Variants in PARP4 observed in about 807,000 individuals in gnomAD.
PARP4 encodes the protein poly(ADP-ribose) polymerase family member 4.
In PARP4, 120 loss-of-function variants were observed where a neutral mutation model predicts 187.7. That is an observed-to-expected ratio of 0.64 (90% CI 0.55 to 0.74). PARP4 has a LOEUF of 0.74. PARP4 is among the 30% of genes least tolerant of loss of function. The probability of loss-of-function intolerance (pLI) is 0.00; values close to 1 mark genes in which losing one functional copy is unlikely to be tolerated. For synonymous variants in PARP4, 654 were observed against 740.9 expected, an observed-to-expected ratio of 0.88 and a Z score of 1.90; for missense variants, 1,836 against 2,070.5, an observed-to-expected ratio of 0.89 and a Z score of 2.20.
intron 27 of PARP4, among the ~76,000 whole-genome samples, chr13:24,445,025 C>A (rs1871139307): frequency 6.6e-6 from 1 of 152,122 alleles, no homozygotes; most frequent in Non-Finnish European, 1.5e-5. Context: ...CTTTGCTCAC[C>A]ACGTGTTTCT....
rs887174824 is a variant in PARP4, at chr13:24,469,197, C to T, written c.2047-87G>A. 4.0e-5 allele frequency: 37 copies of T among 929,018 alleles called. No homozygotes were observed. In the African/African-American group the frequency reaches 5.3e-4, roughly 13 times the overall value. The allele number at this position is 929,018 out of a possible 1,614,324, so 57.5% of individuals were successfully genotyped here. ...AAAACAACATCAATGTTTACTAAAA[C>T]CCAGGCAAAAACTAAAAACTGAGTC... On this transcript the variant is annotated intron_variant, in intron 16 of 33. Coordinates refer to ENST00000381989, the MANE Select transcript of PARP4 (RefSeq NM_006437.4).
intron 23 of PARP4, 32 bp from the exon 24 acceptor site, chr13:24,452,625 C>G (rs753681948): frequency 6.4e-7 from 1 of 1,567,208 alleles, no homozygotes; most frequent in African/African-American, 1.3e-5. Flanking sequence ...ATTATGTTCT[C>G]CTTGTTGGAT....
intron 5 of PARP4, 127 bp downstream of exon 5, chr13:24,499,174 T>C: frequency 3.2e-6 from 3 of 931,224 alleles, no homozygotes; most frequent in Non-Finnish European, 3.0e-6. Flanking sequence ...TTAAGGACTA[T>C]ATGATATTCA....
rs113456081 is a variant in PARP4 at position 24,493,682 on chromosome 13, C to T, written c.793G>A (p.Asp265Asn). The T allele has an allele frequency of 3.2e-5, 51 of 1,613,992 alleles. 1 individual carries two copies. The African/African-American group carries it at 3.2e-4, about 10-fold the overall frequency. Residue 265 changes from aspartate (D) to asparagine (N), a missense_variant, in exon 8 of 34, where the codon GAT (aspartate) becomes AAT (asparagine). Physicochemically the swap from Asp to Asn is conservative, Grantham distance 23. Around this residue, in one of 8 missense-constraint regions of PARP4, gnomAD observed 1,147 missense variants for 1,214.2 expected, o/e 0.94. Transcript: ENST00000381989. ...NSSTLSQEVS[D>N]LVEMIWAEAL... is the part of the protein sequence containing the mutation. Reference sequence around the variant, plus strand: ...TCTGCCCAAATCATCTCTACTAAATCGCTCACCTCTTGGCTCAGAGTGCTT... The same window carrying T: ...TCTGCCCAAATCATCTCTACTAAATTGCTCACCTCTTGGCTCAGAGTGCTT...
intron 1 of PARP4, among the ~76,000 whole-genome samples, chr13:24,510,897 A>G (rs1315735948): frequency 1.3e-5 from 2 of 152,118 alleles, no homozygotes; most frequent in Admixed American, 6.5e-5. Flanking sequence ...CCTCCCTCCC[A>G]GCAATCCTTT....
intron 1 of PARP4, among the ~76,000 whole-genome samples, chr13:24,506,134 C>T (rs1028262381): frequency 6.6e-6 from 1 of 152,140 alleles, no homozygotes; most frequent in Non-Finnish European, 1.5e-5. Flanking sequence ...AAAGGCGGCG[C>T]GTCCGAAGTT....
chr13:24,469,941 C>G lies in PARP4; in HGVS notation c.1999G>C (p.Val667Leu). The change falls in exon 16 of 34, where the codon GTG (valine) becomes CTG (leucine). Residue 667 changes from valine (V) to leucine (L), a missense_variant. Coordinates refer to ENST00000381989, the MANE Select transcript of PARP4 (RefSeq NM_006437.4). Reference sequence around the variant, plus strand: ...TTGATGAAGGCTTCGAAGCCACACACAGCGGCCTTGTCATCCAAAGGAAAG... The same window carrying G: ...TTGATGAAGGCTTCGAAGCCACACAGAGCGGCCTTGTCATCCAAAGGAAAG... ...YIFPLDDKAA[V>L]CGFEAFINGK... 1 of 1,613,858 alleles carries G rather than the reference C, an allele frequency of 6.2e-7. No homozygotes were observed. Among genetic ancestry groups the G allele is most frequent in the East Asian group, 2.2e-5 (1 of 44,890 alleles).
At chr13:24,423,796 A>G (rs1411255138) in intron 33 of PARP4, among the ~76,000 whole-genome samples, 2 of 151,772 alleles carry the variant, frequency 1.3e-5, no homozygotes, top group Non-Finnish European at 2.9e-5. Flanking sequence ...CCCCGACCTC[A>G]GCTTCCTGAG....
At position 24,507,461 on chromosome 13, in the gene PARP4, C is replaced by T. The variant is rs186174199; in HGVS notation, c.-1-3684G>A. Among the ~76,000 whole-genome samples, 531 of 152,302 alleles carry T rather than the reference C, an allele frequency of 3.5e-3. 6 individuals carry two copies. Among genetic ancestry groups the T allele is most frequent in the Non-Finnish European group, 6.0e-3 (405 of 68,016 alleles). On this transcript the variant is annotated intron_variant, in intron 1 of 33. Coordinates refer to ENST00000381989, the MANE Select transcript of PARP4 (RefSeq NM_006437.4). ...CCTTGGCACCACAGAGGTGCGACGT[C>T]CCCAGCCTAGGCCTCCCTCTCCCCC...
At position 24,434,293 on chromosome 13, in the gene PARP4, C is replaced by T. The variant is rs555668208; in HGVS notation, c.4746+102G>A. 20 of 1,121,650 alleles carry T rather than the reference C, an allele frequency of 1.8e-5. No individual in the cohort carries two copies. The African/African-American group carries it at 2.7e-4, about 15-fold the overall frequency. The allele number at this position is 1,121,650 out of a possible 1,614,324, so 69.5% of individuals were successfully genotyped here. The stretch of plus-strand genomic sequence containing the variant: ...CAGTGTACAACCCCTTCCTTCACTA[C>T]AGACTGATGATAGACGGTTCCTTGA... On this transcript the variant is annotated intron_variant, in intron 31 of 33. Transcript: ENST00000381989.
intron 25 of PARP4, among the ~76,000 whole-genome samples, chr13:24,447,985 T>C (rs2185621): frequency 0.83 from 125,736 of 152,042 alleles, 54,515 homozygotes; most frequent in East Asian, 0.98. Flanking sequence ...GGCAGGCAGA[T>C]TGCTTGAGCT....
intron 12 of PARP4, among the ~76,000 whole-genome samples, chr13:24,481,157 T>A (rs1274129142): frequency 6.6e-6 from 1 of 152,254 alleles, no homozygotes; most frequent in Non-Finnish European, 1.5e-5. Context: ...CGACAAAACC[T>A]GGATGACAGC....
intron 33 of PARP4, among the ~76,000 whole-genome samples, chr13:24,423,316 C>G (rs1362999583): frequency 6.6e-6 from 1 of 152,094 alleles, no homozygotes; most frequent in African/African-American, 2.4e-5. Context: ...CCAATGCAGG[C>G]AGATCACTTG....
chr13:24,488,968 G>A (rs1868471713), intron 10 of PARP4, among the ~76,000 whole-genome samples: 2 of 152,270 alleles, frequency 1.3e-5, no homozygotes, highest in Admixed American at 6.5e-5. Context: ...TGTAGTATGT[G>A]TCAGTGCTTC....
At chr13:24,455,480 A>AATATAAATAT (rs150244666) in intron 21 of PARP4, among the ~76,000 whole-genome samples, 1 of 108,400 alleles carries the variant, frequency 9.2e-6, no homozygotes, top group Non-Finnish European at 2.0e-5. Context: ...TTATGGAACA[A>AATATAAATAT]ATATATATAT....
At chr13:24,468,577 G>A (rs545611344) in intron 17 of PARP4, among the ~76,000 whole-genome samples, 1 of 152,060 alleles carries the variant, frequency 6.6e-6, no homozygotes, top group Non-Finnish European at 1.5e-5. Flanking sequence ...GCTAATTTTT[G>A]TACTTTTAGT....
At chr13:24,475,685 T>C (rs756441965) in intron 14 of PARP4, 89 bp from the exon 15 acceptor site, 23 of 1,280,426 alleles carry the variant, frequency 1.8e-5, no homozygotes, top group East Asian at 4.7e-5. Context: ...CAAGCCTTCA[T>C]GCATTTTATT....
rs748547200 is a variant in PARP4, at chr13:24,443,719, C to CT, written c.3377dup (p.Leu1127AlafsTer11). ...CTCTGATTAGAGCTCGGGCTGCCAG[C>CT]TTGTGGATCATCTGTGTTTAAGCAG... On this transcript the variant is annotated frameshift_variant, in exon 28 of 34. Coordinates refer to ENST00000381989, the MANE Select transcript of PARP4 (RefSeq NM_006437.4). LOFTEE classifies it high-confidence loss of function. 5.0e-6 allele frequency: 8 copies of CT among 1,612,882 alleles called. No individual in the cohort carries two copies. The East Asian group carries it at 1.8e-4, about 36-fold the overall frequency.
At chr13:24,464,461 T>G (rs1391510930) in intron 17 of PARP4, among the ~76,000 whole-genome samples, 1 of 152,062 alleles carries the variant, frequency 6.6e-6, no homozygotes, top group African/African-American at 2.4e-5. Context: ...CATAGACCAA[T>G]GGAACAGAAT....
Sources: allele counts gnomAD v4.1 joint callset (sites outside exome capture counted in the v4.1 genomes callset), GRCh38; gene constraint gnomAD v4.1.1; regional missense constraint gnomAD v4.1.1; transcripts MANE v1.5; gene names NCBI Gene and HGNC (gene_info 2026-07-23, HGNC 2026-07-21).